UTP6: variants seen among roughly 807,000 people sequenced by gnomAD.
UTP6 encodes UTP6 small subunit processome component.
Under a neutral mutation model 96.5 loss-of-function variants are expected in UTP6, and 60 were observed. That is an observed-to-expected ratio of 0.62 (90% CI 0.51 to 0.77). UTP6 has a LOEUF of 0.77. Ranked by LOEUF, UTP6 falls within the 30% of genes least tolerant of loss-of-function variation. The pLI is 0.00. For synonymous variants in UTP6, 215 were observed against 240.1 expected (o/e 0.90, Z 0.96); for missense variants, 637 against 706.5 (o/e 0.90, Z 1.12).
intron 4 of UTP6, among the ~76,000 whole-genome samples, chr17:31,893,150 G>A (rs1192483315): frequency 6.6e-6 from 1 of 152,104 alleles, no homozygotes. Flanking sequence ...GCAGACCCCT[G>A]TAATCCCAGC....
intron 14 of UTP6, 140 bp downstream of exon 14, chr17:31,875,094 T>TA: frequency 1.1e-6 from 1 of 920,194 alleles, no homozygotes; most frequent in Non-Finnish European, 1.6e-6. Context: ...CTTCTACTCT[T>TA]AACCTATGAA....
chr17:31,863,738 T>C (rs1909659967), intron 18 of UTP6, among the ~76,000 whole-genome samples: 2 of 152,166 alleles, frequency 1.3e-5, no homozygotes, highest in Admixed American at 6.5e-5. Context: ...GGTCTCACTG[T>C]GTTGCCCCGG....
At chr17:31,882,088 T>C (rs934328196) in intron 10 of UTP6, among the ~76,000 whole-genome samples, 3 of 152,180 alleles carry the variant, frequency 2.0e-5, no homozygotes, top group African/African-American at 7.2e-5. Context: ...TGAAGTGCAG[T>C]GGCACGATCT....
rs781126975 is a variant in UTP6 at position 31,875,264 on chromosome 17, A to G, written c.1275T>C (p.Phe425=). The change falls in exon 14 of 19, where the codon TTT becomes TTC. Residue 425 remains phenylalanine (F), a synonymous_variant. Coordinates refer to ENST00000261708, the MANE Select transcript of UTP6 (RefSeq NM_018428.3). ...ESKSPDIAML[F]EEAFVHLKPQ... Reference sequence around the variant, plus strand: ...GTTTCAGGTGCACAAAGGCTTCTTCAAAAAGCATGGCTATGTCAGGGCTCT... The same window carrying G: ...GTTTCAGGTGCACAAAGGCTTCTTCGAAAAGCATGGCTATGTCAGGGCTCT... 4.3e-6 allele frequency: 7 copies of G among 1,614,024 alleles called. No homozygotes were observed. In the South Asian group the frequency reaches 4.4e-5, roughly 10 times the overall value.
At chr17:31,869,442 G>C (rs1455201734) in intron 16 of UTP6, among the ~76,000 whole-genome samples, 1 of 151,824 alleles carries the variant, frequency 6.6e-6, no homozygotes, top group Non-Finnish European at 1.5e-5. Context: ...CCAGAGTTCT[G>C]GGATTACAGG....
At chr17:31,882,559 G>A (rs1332398704) in intron 10 of UTP6, among the ~76,000 whole-genome samples, 1 of 152,200 alleles carries the variant, frequency 6.6e-6, no homozygotes, top group Non-Finnish European at 1.5e-5. Context: ...GACCTCAAGT[G>A]ATCCGCCCAC....
rs567325042 is a variant in UTP6, at chr17:31,864,242, G to A, written c.1637-726C>T. 7.2e-5 allele frequency among the ~76,000 whole-genome samples: 11 copies of A among 152,150 alleles called. No individual in the cohort carries two copies. The South Asian group carries it at 1.0e-3, about 14-fold the overall frequency. On this transcript the variant is annotated intron_variant, in intron 18 of 18. Coordinates refer to ENST00000261708, the MANE Select transcript of UTP6 (RefSeq NM_018428.3). ...TCGACTGAAAATACAAAAATTAGCC[G>A]AGCATGGTGGCACGCGTGCCTGTAC... is the stretch of plus-strand genomic sequence containing the variant.
chr17:31,861,769 A>G lies in UTP6; in HGVS notation c.*1590T>C, dbSNP rs570523348. The G allele has an allele frequency of 6.6e-6, 1 of 152,364 alleles. No homozygotes were observed. Among genetic ancestry groups the G allele is most frequent in the East Asian group, 1.9e-4 (1 of 5,192 alleles). The allele number at this position is 152,364 out of a possible 1,614,324, so 9.4% of individuals were successfully genotyped here. On this transcript the variant is annotated 3_prime_UTR_variant, in exon 19 of 19. Transcript: ENST00000261708. ...TATCACATTTCACCTATAAAATGGT[A>G]AAAATAAAAGATATAATTACACCAG...
intron 16 of UTP6, among the ~76,000 whole-genome samples, chr17:31,868,632 A>T (rs1432126818): frequency 2.6e-5 from 4 of 151,886 alleles, no homozygotes; most frequent in African/African-American, 4.8e-5. Context: ...TGCCTGGTTT[A>T]ATTTTCTTAC....
intron 10 of UTP6, among the ~76,000 whole-genome samples, chr17:31,881,146 G>A (rs1199058621): frequency 6.6e-6 from 1 of 151,726 alleles, no homozygotes; most frequent in Non-Finnish European, 1.5e-5. Flanking sequence ...ACTCCAGCAT[G>A]GGCGACAGAG....
intron 6 of UTP6, 60 bp downstream of exon 6, chr17:31,892,200 A>C: frequency 2.5e-6 from 4 of 1,574,618 alleles, no homozygotes; most frequent in Non-Finnish European, 3.5e-6. Flanking sequence ...ATCGAAATAA[A>C]ATCCAAAATG....
intron 9 of UTP6, among the ~76,000 whole-genome samples, chr17:31,884,739 C>CCG (rs200028054): frequency 6.1e-5 from 2 of 32,970 alleles, no homozygotes; most frequent in Admixed American, 2.5e-4. Context: ...TTTCAACTCC[C>CCG]CACGATTTAA....
At chr17:31,877,736 G>A (rs775652961) in intron 13 of UTP6, among the ~76,000 whole-genome samples, 6 of 152,042 alleles carry the variant, frequency 3.9e-5, no homozygotes, top group African/African-American at 7.3e-5. Context: ...GGAGGCCGAG[G>A]CAGGGGGATC....
At chr17:31,886,410 TCCTAG>T (rs1164417991) in intron 8 of UTP6, among the ~76,000 whole-genome samples, 1 of 152,198 alleles carries the variant, frequency 6.6e-6, no homozygotes, top group African/African-American at 2.4e-5. Context: ...ATGCCTATAA[TCCTAG>T]CACTTTGGGA....
intron 9 of UTP6, 55 bp from the exon 10 acceptor site, chr17:31,884,560 T>C (rs1336354864): frequency 7.3e-7 from 1 of 1,363,818 alleles, no homozygotes; most frequent in African/African-American, 1.5e-5. Context: ...ATCACTTTAC[T>C]TTAAAAGTAG....
chr17:31,895,839 A>T (rs1042948157), intron 2 of UTP6, among the ~76,000 whole-genome samples: 1 of 151,458 alleles, frequency 6.6e-6, no homozygotes, highest in Non-Finnish European at 1.5e-5. Context: ...CGGCCCATCA[A>T]TCCATATTTC....
chr17:31,900,105 C>T (rs1904886179), intron 1 of UTP6, among the ~76,000 whole-genome samples: 1 of 151,976 alleles, frequency 6.6e-6, no homozygotes, highest in South Asian at 2.1e-4. Context: ...GATCGCGCCA[C>T]TGCCCTCTGG....
chr17:31,899,183 G>A (rs900009009), intron 2 of UTP6, among the ~76,000 whole-genome samples: 1 of 152,146 alleles, frequency 6.6e-6, no homozygotes, highest in Admixed American at 6.5e-5. Flanking sequence ...TGTAGTCCCA[G>A]CTACTCCAGA....
At chr17:31,889,005 G>C (rs1018537482) in intron 7 of UTP6, among the ~76,000 whole-genome samples, 1 of 150,454 alleles carries the variant, frequency 6.6e-6, no homozygotes, top group African/African-American at 2.5e-5. Flanking sequence ...CCAGGAGGCA[G>C]AGCTTGCAGT....
Sources: gnomAD v4.1 joint callset for allele counts (sites outside exome capture counted in the v4.1 genomes callset) on GRCh38, gnomAD v4.1.1 for gene constraint, MANE v1.5 for transcripts, NCBI Gene and HGNC (gene_info 2026-07-23, HGNC 2026-07-21) for gene names.